The following MED23 variants were observed in gnomAD, a reference collection of about 807,000 sequenced individuals.
MED23 encodes the protein mediator complex subunit 23, also known as mediator of RNA polymerase II transcription subunit 23.
A neutral mutation model predicts 163.9 loss-of-function variants in MED23; 105 were observed. The ratio of observed to expected loss-of-function variants is 0.64; its 90% CI spans 0.55 to 0.75. MED23 has a LOEUF of 0.75. Ranked by LOEUF, MED23 falls within the 30% of genes least tolerant of loss-of-function variation. The pLI, the probability that MED23 is intolerant of heterozygous loss-of-function variation, is 0.00. For missense variants in MED23, 1,054 were observed against 1,649.0 expected, an observed-to-expected ratio of 0.64 and a Z score of 6.25; for synonymous variants, 561 against 565.6, an observed-to-expected ratio of 0.99 and a Z score of 0.12.
At chr6:131,606,774 G>C in intron 12 of MED23, 150 bp from the exon 13 acceptor site, 1 of 729,764 alleles carries the variant, frequency 1.4e-6, no homozygotes, top group Non-Finnish European at 2.2e-6. Flanking sequence ...CAAATCAGAA[G>C]GTCTAACAGC....
chr6:131,613,666 C>T (rs1053440597), intron 10 of MED23, among the ~76,000 whole-genome samples: 6 of 152,088 alleles, frequency 3.9e-5, no homozygotes, highest in Non-Finnish European at 7.4e-5. Context: ...TCTATGAAAA[C>T]GATTACTGAT....
At chr6:131,623,892 C>T (rs937824354) in intron 4 of MED23, among the ~76,000 whole-genome samples, 2 of 152,150 alleles carry the variant, frequency 1.3e-5, no homozygotes, top group Non-Finnish European at 2.9e-5. Context: ...ATAGTCTGTG[C>T]ACTGTATTAT....
intron 23 of MED23, among the ~76,000 whole-genome samples, chr6:131,593,841 TAA>T (rs1284185683): frequency 2.0e-5 from 3 of 152,104 alleles, no homozygotes; most frequent in South Asian, 2.1e-4. Flanking sequence ...CAAATCTCCA[TAA>T]AGTCTATTTT....
intron 30 of MED23, among the ~76,000 whole-genome samples, chr6:131,575,675 T>A (rs934016253): frequency 6.6e-6 from 1 of 152,146 alleles, no homozygotes; most frequent in Non-Finnish European, 1.5e-5. Flanking sequence ...TCTGACAACA[T>A]GTAATAATCT....
downstream of MED23, chr6:131,582,683 T>C (rs1446631328): frequency 6.2e-7 from 1 of 1,613,882 alleles, no homozygotes; most frequent in East Asian, 2.2e-5. Context: ...ATATTGTGTA[T>C]ATTGGCTTGA....
chr6:131,609,961 TA>T, intron 11 of MED23, 84 bp downstream of exon 11: 1 of 1,322,810 alleles, frequency 7.6e-7, no homozygotes, highest in Non-Finnish European at 1.1e-6. Flanking sequence ...CTGTCAGTTC[TA>T]AAATCACTAG....
chr6:131,611,091 T>A (rs568812053), intron 10 of MED23, among the ~76,000 whole-genome samples: 1 of 152,292 alleles, frequency 6.6e-6, no homozygotes, highest in East Asian at 1.9e-4. Context: ...TATAAATATG[T>A]TATATGACTT....
At chr6:131,589,628 T>C in intron 27 of MED23, 32 bp from the exon 28 acceptor site, 2 of 1,603,162 alleles carry the variant, frequency 1.2e-6, no homozygotes, top group Non-Finnish European at 1.7e-6. Flanking sequence ...ATTATTTAAG[T>C]GATCAAGTGA....
chr6:131,584,994 G>GA (rs59211845), downstream of MED23, among the ~76,000 whole-genome samples: 1,302 of 94,502 alleles, frequency 0.014, 14 homozygotes, highest in African/African-American at 0.036. Context: ...ATGAGACCCT[G>GA]AAAAAAAAAA....
At chr6:131,613,896 A>C (rs1245612992) in intron 10 of MED23, among the ~76,000 whole-genome samples, 1 of 152,172 alleles carries the variant, frequency 6.6e-6, no homozygotes, top group Non-Finnish European at 1.5e-5. Flanking sequence ...AAGAGAAAAA[A>C]GCTTAGGATA....
intron 10 of MED23, among the ~76,000 whole-genome samples, chr6:131,613,409 T>C (rs968759022): frequency 2.6e-5 from 4 of 152,190 alleles, no homozygotes; most frequent in Non-Finnish European, 5.9e-5. Context: ...GAAAATGTAA[T>C]ATGAACAGCT....
Position 131,602,306 on chromosome 6 carries a change from A to C in MED23, c.2007T>G (p.Leu669=). The C allele has an allele frequency of 1.2e-6, 2 of 1,613,890 alleles. No individual in the cohort carries two copies. Among genetic ancestry groups the C allele is most frequent in the South Asian group, 1.1e-5 (1 of 91,072 alleles). ...SEVQPQFTRF[L]SDPKTVLSAE... ...CTGAGAGCACTGTTTTGGGATCACT[A>C]AGGAAGCGTGTAAACTGCGGTTGTA... is the stretch of plus-strand genomic sequence containing the variant. The change falls in exon 17 of 29, where the codon CTT becomes CTG. Residue 669 remains leucine, a synonymous_variant. Transcript: ENST00000368068.
In MED23 at chr6:131,596,333, C is replaced by T. The variant is rs145170711; in HGVS notation, c.2779-170G>A. ...GAAGTCCTTATGTCCACTAAAACTG[C>T]AGTTTCAATTTATTCTCAACATTAT... On this transcript the variant is annotated intron_variant, in intron 21 of 28. Transcript: ENST00000368068. 3,181 of 855,462 alleles carry T rather than the reference C, an allele frequency of 3.7e-3. 61 individuals carry two copies. In the African/African-American group the frequency reaches 0.044, roughly 12 times the overall value. The allele number at this position is 855,462 out of a possible 1,614,324, so 53.0% of individuals were successfully genotyped here.
intron 30 of MED23, among the ~76,000 whole-genome samples, chr6:131,581,549 A>C (rs1773927414): frequency 6.6e-6 from 1 of 152,236 alleles, no homozygotes; most frequent in Non-Finnish European, 1.5e-5. Flanking sequence ...GAGGCTCTCT[A>C]TCTCTGCCTT....
At chr6:131,574,204 A>C (rs1773503724) in exon 31 of MED23, 5 of 1,467,472 alleles carry the variant, frequency 3.4e-6, no homozygotes, top group Non-Finnish European at 4.8e-6. Flanking sequence ...AGTTGAAACT[A>C]CTAAGGTTGA....
At position 131,591,465 on chromosome 6, in the gene MED23, C is replaced by T. The variant is rs1305214988; in HGVS notation, c.3534G>A (p.Thr1178=). 8 of 1,613,796 alleles carry T rather than the reference C, an allele frequency of 5.0e-6. No individual in the cohort carries two copies. Among genetic ancestry groups the T allele is most frequent in the Middle Eastern group, 1.6e-4 (1 of 6,078 alleles). ...IVSVISSPSL[T]SETEWVGYPF... The stretch of plus-strand genomic sequence containing the variant: ...GATAGCCAACCCACTCTGTTTCAGA[C>T]GTCAAGCTGGGGCTGCTGATGACAC... The change falls in exon 26 of 29, where the codon ACG becomes ACA. Residue 1178 remains threonine, a synonymous_variant. Coordinates refer to ENST00000368068, the MANE Select transcript of MED23 (RefSeq NM_004830.4).
At chr6:131,575,796 AAG>A (rs1454843306) in intron 30 of MED23, among the ~76,000 whole-genome samples, 6 of 152,172 alleles carry the variant, frequency 3.9e-5, no homozygotes, top group Non-Finnish European at 8.8e-5. Flanking sequence ...CCCTTGGAGG[AAG>A]AGTGTTAGTT....
At chr6:131,615,279 C>T in intron 10 of MED23, 1 of 1,603,986 alleles carries the variant, frequency 6.2e-7, no homozygotes, top group Non-Finnish European at 8.5e-7. Flanking sequence ...ACAAAGCGGC[C>T]AGCGTATCGT....
At chr6:131,609,716 A>C (rs117544934) in intron 11 of MED23, among the ~76,000 whole-genome samples, 3,119 of 146,522 alleles carry the variant, frequency 0.021, 51 homozygotes, top group Non-Finnish European at 0.031. Context: ...TATGTACTCT[A>C]TATATATATA....
Sources: gnomAD v4.1 joint callset for allele counts (sites outside exome capture counted in the v4.1 genomes callset) on GRCh38, gnomAD v4.1.1 for gene constraint, MANE v1.5 for transcripts, NCBI Gene and HGNC (gene_info 2026-07-23, HGNC 2026-07-21) for gene names.